Variants in OSBPL10 observed in about 807,000 individuals in gnomAD.
The protein encoded by OSBPL10 is oxysterol-binding protein-related protein 10.
Under a neutral mutation model 81.7 loss-of-function variants are expected in OSBPL10, and 49 were observed. The observed-to-expected ratio is 0.60, with a 90% confidence interval of 0.48 to 0.76. The LOEUF is 0.76. Among genes scored for constraint, OSBPL10 ranks in the 30% least tolerant of loss-of-function variants. The probability of loss-of-function intolerance (pLI) is 0.00; values close to 1 mark genes in which losing one functional copy is unlikely to be tolerated. For synonymous variants in OSBPL10, 419 were observed against 383.6 expected (o/e 1.09, Z -1.08); for missense variants, 923 against 987.8 (o/e 0.93, Z 0.88).
At chr3:32,040,952 T>A (rs1390407893) in intron 2 of OSBPL10, among the ~76,000 whole-genome samples, 2 of 152,222 alleles carry the variant, frequency 1.3e-5, no homozygotes, top group South Asian at 2.1e-4. Context: ...TGTGTCCCTA[T>A]GAAGGGGACA....
intron 4 of OSBPL10, among the ~76,000 whole-genome samples, chr3:31,827,895 T>C (rs959691812): frequency 2.6e-5 from 4 of 152,204 alleles, no homozygotes; most frequent in African/African-American, 9.7e-5. Flanking sequence ...ATTTGAATTC[T>C]TTTTAAATGA....
intron 1 of OSBPL10, among the ~76,000 whole-genome samples, chr3:32,058,062 T>C (rs1172392446): frequency 2.6e-5 from 4 of 152,228 alleles, no homozygotes; most frequent in Non-Finnish European, 5.9e-5. Flanking sequence ...TGAAAACTTA[T>C]CTAATAGTTT....
chr3:32,059,789 G>A (rs1372299437), intron 1 of OSBPL10, among the ~76,000 whole-genome samples: 1 of 150,542 alleles, frequency 6.6e-6, no homozygotes, highest in African/African-American at 2.4e-5. Context: ...GCACATGCCT[G>A]TAGTCCCAGC....
intron 4 of OSBPL10, among the ~76,000 whole-genome samples, chr3:31,754,500 G>A (rs570885813): frequency 1.3e-5 from 2 of 152,106 alleles, no homozygotes; most frequent in East Asian, 3.9e-4. Context: ...GAAAGAGAAG[G>A]GAGAAACCAA....
intron 2 of OSBPL10, among the ~76,000 whole-genome samples, chr3:32,000,205 G>A (rs981812288): frequency 5.3e-5 from 8 of 152,022 alleles, no homozygotes; most frequent in South Asian, 2.1e-4. Context: ...CCCTGCTCTC[G>A]CCACATAATT....
chr3:31,664,087 T>A lies in OSBPL10; in HGVS notation c.2242A>T (p.Ile748Phe). Residue 748 changes from isoleucine to phenylalanine, a missense_variant, in exon 11 of 12, where the codon ATC becomes TTC. Transcript: ENST00000396556. ...LRTPWKPKYF[I>F]QEGDGWVYFN... Reference sequence around the variant, plus strand: ...ACAGGCGGCAGAGTTACCTCCTGGATAAAATATTTGGGCTTCCATGGTGTG... The same window carrying A: ...ACAGGCGGCAGAGTTACCTCCTGGAAAAAATATTTGGGCTTCCATGGTGTG... 6.2e-7 allele frequency: 1 copy of A among 1,614,084 alleles called. No homozygotes were observed. Among genetic ancestry groups the A allele is most frequent in the Non-Finnish European group, 8.5e-7 (1 of 1,180,004 alleles).
chr3:31,683,808 C>G lies in OSBPL10; in HGVS notation c.1552G>C (p.Asp518His). ...PASCHEHPMA[D>H]DPSKSYKLRF... The stretch of plus-strand genomic sequence containing the variant: ...AGTTTGTAGCTTTTGGAAGGGTCAT[C>G]GGCCATTGGGTGTTCGTGACAGCTG... Residue 518 changes from aspartate (D) to histidine (H), a missense_variant, in exon 8 of 12, where the codon GAT becomes CAT. Asp to His is a moderately conservative substitution (Grantham distance 81, BLOSUM62 -1). Around this residue, in one of 3 missense-constraint regions of OSBPL10, gnomAD observed 387 missense variants for 436.3 expected, o/e 0.89. Coordinates refer to ENST00000396556, the MANE Select transcript of OSBPL10 (RefSeq NM_017784.5). 1 of 1,614,172 alleles carries G rather than the reference C, an allele frequency of 6.2e-7. No homozygotes were observed. The highest frequency in any genetic ancestry group is 1.1e-5 in the South Asian group (1 of 91,086).
chr3:31,817,742 C>G (rs1442111437), intron 4 of OSBPL10, among the ~76,000 whole-genome samples: 1 of 152,098 alleles, frequency 6.6e-6, no homozygotes, highest in Non-Finnish European at 1.5e-5. Flanking sequence ...CAGCAGCACC[C>G]GGGGAGCTCC....
chr3:31,787,387 G>C (rs1335390281), intron 4 of OSBPL10, among the ~76,000 whole-genome samples: 1 of 152,048 alleles, frequency 6.6e-6, no homozygotes, highest in Non-Finnish European at 1.5e-5. Flanking sequence ...CTGAGGTCAG[G>C]AGTTCCAGAC....
intron 4 of OSBPL10, among the ~76,000 whole-genome samples, chr3:31,791,874 A>C (rs76380315): frequency 0.065 from 9,801 of 151,928 alleles, 679 homozygotes; most frequent in African/African-American, 0.18. Flanking sequence ...TAAGAAACAG[A>C]TTACTCCAAT....
intron 6 of OSBPL10, among the ~76,000 whole-genome samples, chr3:31,710,238 T>A (rs1696207522): frequency 6.6e-6 from 1 of 152,038 alleles, no homozygotes; most frequent in African/African-American, 2.4e-5. Flanking sequence ...GCTCTAGGTC[T>A]CAACAAGGCA....
intron 2 of OSBPL10, among the ~76,000 whole-genome samples, chr3:32,043,988 C>T (rs917799482): frequency 6.6e-6 from 1 of 152,126 alleles, no homozygotes; most frequent in African/African-American, 2.4e-5. Context: ...GGGTACTGTG[C>T]TCACTACCTA....
chr3:31,699,192 G>C (rs1177171919), intron 7 of OSBPL10, among the ~76,000 whole-genome samples: 1 of 152,158 alleles, frequency 6.6e-6, no homozygotes, highest in Non-Finnish European at 1.5e-5. Flanking sequence ...AGTCATGTCA[G>C]GATCTCCTGA....
chr3:31,963,829 C>T (rs1232957455), intron 1 of OSBPL10, among the ~76,000 whole-genome samples: 1 of 152,034 alleles, frequency 6.6e-6, no homozygotes, highest in Non-Finnish European at 1.5e-5. Flanking sequence ...CTTCCACACC[C>T]TCCCAATTAG....
At chr3:31,701,984 T>C (rs1014184070) in intron 7 of OSBPL10, among the ~76,000 whole-genome samples, 1 of 152,096 alleles carries the variant, frequency 6.6e-6, no homozygotes, top group African/African-American at 2.4e-5. Context: ...TTTCCCTCTA[T>C]GGCCACTGTG....
intron 1 of OSBPL10, among the ~76,000 whole-genome samples, chr3:31,939,977 T>C (rs1697489757): frequency 6.6e-6 from 1 of 152,084 alleles, no homozygotes; most frequent in South Asian, 2.1e-4. Flanking sequence ...TACCTCGGCC[T>C]CCCAAAGCAC....
chr3:31,875,413 A>C (rs1002496355), intron 3 of OSBPL10, among the ~76,000 whole-genome samples: 1 of 152,202 alleles, frequency 6.6e-6, no homozygotes, highest in Non-Finnish European at 1.5e-5. Flanking sequence ...CTTGGAAAAT[A>C]AAGAAGGCCA....
chr3:31,794,803 G>A (rs1294468837), intron 4 of OSBPL10: 2 of 324,966 alleles, frequency 6.2e-6, no homozygotes, highest in East Asian at 1.9e-4. Flanking sequence ...ACAGCAGCAG[G>A]AAACTCATCA....
chr3:31,783,931 GAAAAA>G (rs1698792812), intron 4 of OSBPL10, among the ~76,000 whole-genome samples: 1 of 138,492 alleles, frequency 7.2e-6, no homozygotes, highest in Admixed American at 7.7e-5. Flanking sequence ...ATTTACTGCA[GAAAAA>G]GTACATTGTA....
Sources: gnomAD v4.1 joint callset for allele counts (sites outside exome capture counted in the v4.1 genomes callset) on GRCh38, gnomAD v4.1.1 for gene constraint, gnomAD v4.1.1 regional missense constraint, MANE v1.5 for transcripts, NCBI Gene and HGNC (gene_info 2026-07-23, HGNC 2026-07-21) for gene names.